The following ADAM12 variants were observed in gnomAD, a reference collection of about 807,000 sequenced individuals.
ADAM12 encodes the protein ADAM metallopeptidase domain 12.
A neutral mutation model predicts 106.4 loss-of-function variants in ADAM12; 70 were observed. The ratio of observed to expected loss-of-function variants is 0.66; its 90% CI spans 0.54 to 0.80. The LOEUF is 0.80. Ranked by LOEUF, ADAM12 falls within the 30% of genes least tolerant of loss-of-function variation. The pLI, the probability that ADAM12 is intolerant of heterozygous loss-of-function variation, is 0.00. For synonymous variants in ADAM12, 420 were observed against 433.5 expected (o/e 0.97, Z 0.39); for missense variants, 1,010 against 1,171.9 (o/e 0.86, Z 2.02).
At chr10:126,067,052 T>C in intron 12 of ADAM12, 1 of 476,018 alleles carries the variant, frequency 2.1e-6, no homozygotes, top group South Asian at 2.2e-5. Flanking sequence ...GGTAAAGCAG[T>C]TGTAACATAG....
chr10:126,133,394 A>T (rs1233160629), intron 5 of ADAM12, among the ~76,000 whole-genome samples: 1 of 152,144 alleles, frequency 6.6e-6, no homozygotes, highest in Non-Finnish European at 1.5e-5. Flanking sequence ...ACTTTAAGAC[A>T]CAGATCACTA....
intron 3 of ADAM12, among the ~76,000 whole-genome samples, chr10:126,210,657 G>A (rs991035720): frequency 1.4e-4 from 21 of 152,292 alleles, no homozygotes; most frequent in African/African-American, 4.8e-4. Flanking sequence ...ACTGGGCCAC[G>A]AGGAAGGTCA....
intron 14 of ADAM12, among the ~76,000 whole-genome samples, chr10:126,062,775 C>T (rs1490792311): frequency 3.9e-5 from 6 of 152,192 alleles, no homozygotes; most frequent in Non-Finnish European, 8.8e-5. Context: ...TGTGTGTGCT[C>T]TGGCCACAAA....
intron 11 of ADAM12, among the ~76,000 whole-genome samples, chr10:126,076,295 G>A (rs1370651929): frequency 1.3e-5 from 2 of 152,162 alleles, no homozygotes; most frequent in Admixed American, 6.5e-5. Context: ...TCCATACCAC[G>A]TTTTCTTTAT....
intron 14 of ADAM12, among the ~76,000 whole-genome samples, chr10:126,050,618 A>G (rs1423163882): frequency 6.6e-6 from 1 of 152,120 alleles, no homozygotes; most frequent in African/African-American, 2.4e-5. Flanking sequence ...CACCCTGGGG[A>G]GGCTTTGCTT....
intron 3 of ADAM12, among the ~76,000 whole-genome samples, chr10:126,185,228 C>T (rs181420811): frequency 8.1e-4 from 124 of 152,330 alleles, no homozygotes; most frequent in Non-Finnish European, 1.5e-3. Context: ...GAAAGAAAGA[C>T]GTTGCTATTG....
chr10:126,356,533 G>T (rs1432559382), intron 1 of ADAM12, among the ~76,000 whole-genome samples: 1 of 152,180 alleles, frequency 6.6e-6, no homozygotes, highest in Non-Finnish European at 1.5e-5. Flanking sequence ...TCCAGAAGAG[G>T]TGACTGTCTC....
At chr10:126,253,493 A>G (rs1390393683) in intron 3 of ADAM12, among the ~76,000 whole-genome samples, 2 of 152,252 alleles carry the variant, frequency 1.3e-5, no homozygotes, top group African/African-American at 4.8e-5. Flanking sequence ...AGAAATAGCC[A>G]CTAAGCAGCT....
At chr10:126,310,158 C>CAAA (rs35363888) in intron 2 of ADAM12, among the ~76,000 whole-genome samples, 2 of 100,552 alleles carry the variant, frequency 2.0e-5, no homozygotes, top group East Asian at 3.3e-4. Context: ...GACTCTGTCT[C>CAAA]AAAAAAAAAA....
At chr10:126,120,424 AT>A in intron 5 of ADAM12, among the ~76,000 whole-genome samples, 1 of 152,180 alleles carries the variant, frequency 6.6e-6, no homozygotes, top group East Asian at 1.9e-4. Context: ...AGGGGAATTC[AT>A]TGGGCTGGAA....
At chr10:126,020,683 A>C (rs1241907466) in intron 21 of ADAM12, among the ~76,000 whole-genome samples, 2 of 151,910 alleles carry the variant, frequency 1.3e-5, no homozygotes, top group Non-Finnish European at 2.9e-5. Flanking sequence ...CAATTTAAAA[A>C]TGTTTAGTAG....
At chr10:126,210,319 T>C (rs1957876544) in intron 3 of ADAM12, among the ~76,000 whole-genome samples, 1 of 152,208 alleles carries the variant, frequency 6.6e-6, no homozygotes, top group South Asian at 2.1e-4. Context: ...TGTTATTGCA[T>C]CTACTCCTCC....
chr10:126,218,135 A>G (rs1192169574), intron 3 of ADAM12, among the ~76,000 whole-genome samples: 1 of 151,640 alleles, frequency 6.6e-6, no homozygotes, highest in East Asian at 1.9e-4. Context: ...ATAATCATTA[A>G]TCATTATCAG....
chr10:126,366,179 A>T (rs1288762757), intron 1 of ADAM12, among the ~76,000 whole-genome samples: 1 of 152,192 alleles, frequency 6.6e-6, no homozygotes, highest in African/African-American at 2.4e-5. Context: ...AATGGAAATA[A>T]AACAGTCAGT....
In ADAM12 at chr10:126,066,640, T is replaced by G. The variant is rs1590362018; in HGVS notation, c.1413+77A>C. 4.2e-6 allele frequency: 6 copies of G among 1,413,252 alleles called. No individual in the cohort carries two copies. In the East Asian group the frequency reaches 1.4e-4, roughly 32 times the overall value. 87.5% of individuals were successfully genotyped at this position (1,413,252 alleles called of 1,614,324 possible). On this transcript the variant is annotated intron_variant, in intron 13 of 22. Transcript: ENST00000448723. This position sits in a 1 kb window ranked among gnomAD's most constrained non-coding sequence, Gnocchi z 5.1. ...GTGCTGGGAAACCTTCCAGCCACAC[T>G]GCTTGCCCTGCATCAGATCTGAACC...
chr10:126,355,230 T>C (rs1855497691), intron 1 of ADAM12, among the ~76,000 whole-genome samples: 1 of 151,898 alleles, frequency 6.6e-6, no homozygotes, highest in Non-Finnish European at 1.5e-5. Flanking sequence ...AAACCAGAAA[T>C]GACTAAATTA....
intron 1 of ADAM12, among the ~76,000 whole-genome samples, chr10:126,343,981 C>T (rs1330684362): frequency 6.6e-6 from 1 of 152,156 alleles, no homozygotes; most frequent in East Asian, 1.9e-4. Flanking sequence ...TGCCTGTTCA[C>T]TCTGATGGTA....
chr10:126,245,210 G>A (rs1291197042), intron 3 of ADAM12, among the ~76,000 whole-genome samples: 9 of 152,218 alleles, frequency 5.9e-5, no homozygotes, highest in Non-Finnish European at 1.2e-4. Context: ...GTCTCTGTAA[G>A]ACAAACTGGT....
intron 3 of ADAM12, among the ~76,000 whole-genome samples, chr10:126,248,669 GTATGTATGTATGTATGTATTTATT>G (rs1382520526): frequency 0.021 from 2,350 of 109,906 alleles, 65 homozygotes; most frequent in African/African-American, 0.091. Context: ...ATGTATGTAT[GTATGTATGTATGTATGTATTTATT>G]TATTTATTTA....
Sources: allele counts gnomAD v4.1 joint callset (sites outside exome capture counted in the v4.1 genomes callset), GRCh38; gene constraint gnomAD v4.1.1; non-coding constraint Gnocchi (gnomAD v3.1); transcripts MANE v1.5; gene names NCBI Gene and HGNC (gene_info 2026-07-23, HGNC 2026-07-21).